GNB1L: variants seen among roughly 807,000 people sequenced by gnomAD.
GNB1L encodes guanine nucleotide-binding protein subunit beta-like protein 1.
A neutral mutation model predicts 29.1 loss-of-function variants in GNB1L; 20 were observed. The ratio of observed to expected loss-of-function variants is 0.69; its 90% confidence interval spans 0.48 to 1.00. The LOEUF (loss-of-function observed/expected upper bound fraction) is 1.00, where lower values mean the gene tolerates loss of function less well. Among genes scored for constraint, GNB1L ranks in the 50% least tolerant of loss-of-function variants. The pLI, the probability that GNB1L is intolerant of heterozygous loss-of-function variation, is 0.00. For missense variants in GNB1L, 421 were observed against 464.9 expected, an observed-to-expected ratio of 0.91 and a Z score of 0.87; for synonymous variants, 193 against 206.5, an observed-to-expected ratio of 0.93 and a Z score of 0.56.
rs1049484010 is a variant in GNB1L, at chr22:19,836,397, A to G, written c.-20-15022T>C. Among the ~76,000 whole-genome samples, 4 of 38,932 alleles carry G rather than the reference A, an allele frequency of 1.0e-4. 1 individual carries two copies. The African/African-American group carries it at 1.1e-3, about 11-fold the overall frequency. The allele number at this position is 38,932 out of a possible 152,430, so 25.5% of individuals were successfully genotyped here. A position where few individuals can be genotyped will look rare whatever the true frequency, so the allele number is the denominator to read the frequency against. ...CATTTTTAGTTTAAATCCTTGGGGA[A>G]AAAAAAAAATCAAAATTCCAGCCCA... On this transcript the variant is annotated intron_variant, in intron 2 of 7. Coordinates refer to ENST00000329517, the MANE Select transcript of GNB1L (RefSeq NM_053004.3).
intron 2 of GNB1L, chr22:19,851,238 A>C: frequency 6.2e-7 from 1 of 1,603,554 alleles, no homozygotes; most frequent in African/African-American, 1.3e-5. Flanking sequence ...GGGGTACCTA[A>C]GGACACCTCC....
intron 2 of GNB1L, among the ~76,000 whole-genome samples, chr22:19,839,403 C>A (rs1162962076): frequency 1.3e-5 from 2 of 152,034 alleles, no homozygotes; most frequent in Non-Finnish European, 2.9e-5. Context: ...CCTATATACA[C>A]CATGTTTTTC....
chr22:19,844,247 C>A (rs533243199), intron 2 of GNB1L, among the ~76,000 whole-genome samples: 8 of 152,364 alleles, frequency 5.3e-5, no homozygotes, highest in African/African-American at 1.7e-4. Flanking sequence ...GATTCGTTCC[C>A]GAGCAGAGAC....
Position 19,788,376 on chromosome 22 carries a change from C to A in GNB1L, c.*333G>T, listed in dbSNP as rs1159931287. Reference sequence around the variant, plus strand: ...AGGGCACTGATGCTAAGTGGGGGACCAGGGCCTCCTCAGGGAGCTCCCACC... The same window carrying A: ...AGGGCACTGATGCTAAGTGGGGGACAAGGGCCTCCTCAGGGAGCTCCCACC... On this transcript the variant is annotated 3_prime_UTR_variant, in exon 8 of 8. Transcript: ENST00000329517. 4.3e-5 allele frequency: 25 copies of A among 582,590 alleles called. No homozygotes were observed. The Admixed American group carries it at 7.8e-4, about 18-fold the overall frequency. 36.1% of individuals were successfully genotyped at this position (582,590 alleles called of 1,614,324 possible).
rs752842468 is a variant in GNB1L, at chr22:19,851,717, G to A, written c.-21+2726C>T. On this transcript the variant is annotated intron_variant, in intron 2 of 7. Transcript: ENST00000329517. Reference sequence around the variant, plus strand: ...AGCATGGTACTCAGCAAAACTGTTCGGGTCTTGAACAACTTCCTTGAGATC... The same window carrying A: ...AGCATGGTACTCAGCAAAACTGTTCAGGTCTTGAACAACTTCCTTGAGATC... 25 of 1,603,418 alleles carry A rather than the reference G, an allele frequency of 1.6e-5. No homozygotes were observed. The East Asian group carries it at 2.2e-4, about 14-fold the overall frequency.
At chr22:19,805,467 G>C (rs1411511176) in intron 6 of GNB1L, among the ~76,000 whole-genome samples, 1 of 152,240 alleles carries the variant, frequency 6.6e-6, no homozygotes, top group African/African-American at 2.4e-5. Context: ...GCCCAGGGCA[G>C]TTCTCAGAGC....
intron 2 of GNB1L, among the ~76,000 whole-genome samples, chr22:19,828,835 CTTT>C (rs539568221): frequency 7.1e-6 from 1 of 141,710 alleles, no homozygotes; most frequent in Non-Finnish European, 1.6e-5. Flanking sequence ...TACTCTTTTT[CTTT>C]TTTTTTTTTT....
At chr22:19,792,246 C>A (rs571215220) in intron 7 of GNB1L, 6 of 631,642 alleles carry the variant, frequency 9.5e-6, no homozygotes, top group African/African-American at 5.5e-5. Context: ...TAAAGAAACT[C>A]CTTAACTATG....
At chr22:19,806,808 G>A (rs778547971) in intron 5 of GNB1L, 51 bp from the exon 6 acceptor site, 39 of 1,269,090 alleles carry the variant, frequency 3.1e-5, no homozygotes, top group South Asian at 2.1e-4. Context: ...TCGAGTCTGC[G>A]CTATACAAAC....
intron 2 of GNB1L, among the ~76,000 whole-genome samples, chr22:19,839,596 G>C (rs558898377): frequency 2.2e-4 from 33 of 151,860 alleles, no homozygotes; most frequent in African/African-American, 7.5e-4. Context: ...TAATTAGCTG[G>C]GGCAGGGCAC....
In GNB1L at chr22:19,802,046, C is replaced by G. The variant is rs761621740; in HGVS notation, c.687G>C (p.Gly229=). 1 of 1,610,036 alleles carries G rather than the reference C, an allele frequency of 6.2e-7. No homozygotes were observed. The highest frequency in any genetic ancestry group is 2.2e-5 in the East Asian group (1 of 44,696). ...CCAGGCTCCAGACAGCCAGCGCCTT[C>G]CCCGCGGAGCCTGAGATGCCCCTGG... ...QKARGISGSA[G]KALAVWSLDW... is the part of the protein sequence containing the mutation. Residue 229 remains glycine (G), a synonymous_variant, in exon 7 of 8, where the codon GGG becomes GGC. Transcript: ENST00000329517.
chr22:19,842,548 T>G (rs1601350442), intron 2 of GNB1L, among the ~76,000 whole-genome samples: 1 of 152,046 alleles, frequency 6.6e-6, no homozygotes, highest in Non-Finnish European at 1.5e-5. Flanking sequence ...CAAGAGGTGG[T>G]CCTGCCATAA....
Position 19,834,115 on chromosome 22 carries a change from C to T in GNB1L, c.-20-12740G>A, listed in dbSNP as rs149774632. Among the ~76,000 whole-genome samples, 456 of 152,076 alleles carry T rather than the reference C, an allele frequency of 3.0e-3. 4 individuals carry two copies. Among genetic ancestry groups the T allele is most frequent in the African/African-American group, 0.01 (431 of 41,522 alleles). On this transcript the variant is annotated intron_variant, in intron 2 of 7. Transcript: ENST00000329517. The stretch of plus-strand genomic sequence containing the variant: ...TAAATAATGCCTGAAATTTCACAAA[C>T]TTAGAGAAAGACAAAAGCACATATG...
At chr22:19,825,264 T>C (rs1937611135) in intron 2 of GNB1L, among the ~76,000 whole-genome samples, 3 of 151,576 alleles carry the variant, frequency 2.0e-5, no homozygotes, top group East Asian at 3.9e-4. Context: ...CAGCACCCCT[T>C]TACACCAGGA....
intron 5 of GNB1L, among the ~76,000 whole-genome samples, chr22:19,809,445 A>G (rs1260469869): frequency 1.3e-5 from 2 of 152,204 alleles, no homozygotes; most frequent in Non-Finnish European, 2.9e-5. Context: ...GTGTGATCCA[A>G]TTCTTCCAGT....
chr22:19,789,587 G>A (rs902568879), intron 7 of GNB1L, among the ~76,000 whole-genome samples: 19 of 152,028 alleles, frequency 1.2e-4, no homozygotes, highest in African/African-American at 3.9e-4. Flanking sequence ...CAACGTCCCC[G>A]GCTGGGTTCT....
chr22:19,795,620 G>A (rs549264121), intron 7 of GNB1L, among the ~76,000 whole-genome samples: 1 of 152,356 alleles, frequency 6.6e-6, no homozygotes, highest in African/African-American at 2.4e-5. Context: ...CGAATATTTG[G>A]AAATTAAATA....
At chr22:19,806,817 A>C in intron 5 of GNB1L, 60 bp from the exon 6 acceptor site, 3 of 1,172,008 alleles carry the variant, frequency 2.6e-6, no homozygotes, top group East Asian at 2.4e-5. Flanking sequence ...CGCTATACAA[A>C]CAAGAGACTC....
chr22:19,793,648 A>C (rs916257139), intron 7 of GNB1L, among the ~76,000 whole-genome samples: 1 of 151,954 alleles, frequency 6.6e-6, no homozygotes, highest in Non-Finnish European at 1.5e-5. Flanking sequence ...AACCACAGAT[A>C]AAAAAAAATC....
Sources: gnomAD v4.1 joint callset for allele counts (sites outside exome capture counted in the v4.1 genomes callset) on GRCh38, gnomAD v4.1.1 for gene constraint, MANE v1.5 for transcripts, NCBI Gene and HGNC (gene_info 2026-07-23, HGNC 2026-07-21) for gene names.